Variants in EFCAB5 observed in about 807,000 individuals in gnomAD.
EFCAB5 encodes EF-hand calcium binding domain 5.
Under a neutral mutation model 167.9 loss-of-function variants are expected in EFCAB5, and 131 were observed. The observed-to-expected ratio is 0.78, with a 90% CI of 0.68 to 0.90. The LOEUF is 0.90. Among genes scored for constraint, EFCAB5 ranks in the 40% least tolerant of loss-of-function variants. EFCAB5 has a pLI of 0.00. For synonymous variants in EFCAB5, 574 were observed against 602.8 expected (o/e 0.95, Z 0.70); for missense variants, 1,663 against 1,745.2 (o/e 0.95, Z 0.84).
chr17:30,066,666 A>T (rs2070579972), intron 14 of EFCAB5, among the ~76,000 whole-genome samples: 1 of 152,200 alleles, frequency 6.6e-6, no homozygotes, highest in Non-Finnish European at 1.5e-5. Context: ...GAAATAATAA[A>T]GATCAAAGCA....
intron 14 of EFCAB5, among the ~76,000 whole-genome samples, chr17:30,070,229 TA>T (rs200752550): frequency 2.5e-3 from 372 of 150,288 alleles, no homozygotes; most frequent in African/African-American, 6.4e-3. Context: ...TACAGCCCCT[TA>T]AAAAAAAAGA....
intron 3 of EFCAB5, among the ~76,000 whole-genome samples, chr17:29,959,719 C>G (rs1260231956): frequency 6.6e-6 from 1 of 152,122 alleles, no homozygotes; most frequent in African/African-American, 2.4e-5. Flanking sequence ...AAGACAAAGC[C>G]CTCTTTACTG....
intron 14 of EFCAB5, among the ~76,000 whole-genome samples, chr17:30,063,558 C>G (rs556247150): frequency 6.6e-6 from 1 of 152,162 alleles, no homozygotes; most frequent in Non-Finnish European, 1.5e-5. Flanking sequence ...GTCACAGATC[C>G]TGTCTCTATG....
chr17:29,951,549 G>T (rs1352889821), intron 3 of EFCAB5, among the ~76,000 whole-genome samples: 1 of 151,304 alleles, frequency 6.6e-6, no homozygotes, highest in African/African-American at 2.4e-5. Context: ...TAGAGACGGG[G>T]TTTCACCATG....
Position 30,001,777 on chromosome 17 carries a change from G to A in EFCAB5, c.1044+1801G>A, listed in dbSNP as rs546325938. Among the ~76,000 whole-genome samples, 2 of 152,234 alleles carry A rather than the reference G, an allele frequency of 1.3e-5. 1 individual carries two copies. Among genetic ancestry groups the A allele is most frequent in the South Asian group, 4.1e-4 (2 of 4,826 alleles). ...CACAGTTAACACTATATTTTTTTGT[G>A]TAATAATAATAGCTAACACTTTTGA... On this transcript the variant is annotated intron_variant, in intron 7 of 22. Transcript: ENST00000394835.
intron 1 of EFCAB5, among the ~76,000 whole-genome samples, chr17:29,934,971 A>G (rs979549479): frequency 5.3e-5 from 8 of 152,208 alleles, no homozygotes; most frequent in African/African-American, 1.9e-4. Flanking sequence ...ATTTCACTTA[A>G]AAGATTATGA....
intron 4 of EFCAB5, among the ~76,000 whole-genome samples, chr17:29,977,763 G>T (rs2068090269): frequency 6.6e-6 from 1 of 152,164 alleles, no homozygotes. Flanking sequence ...GACCAAGTTA[G>T]TATAAATATT....
intron 22 of EFCAB5, among the ~76,000 whole-genome samples, chr17:30,105,618 T>C (rs1051863629): frequency 6.6e-6 from 1 of 152,210 alleles, no homozygotes; most frequent in South Asian, 2.1e-4. Context: ...ATGAATCAGG[T>C]ATTTTGAATG....
At chr17:29,944,211 G>T (rs1227105895) in intron 3 of EFCAB5, among the ~76,000 whole-genome samples, 1 of 151,986 alleles carries the variant, frequency 6.6e-6, no homozygotes, top group Non-Finnish European at 1.5e-5. Context: ...GAGTTGCTGG[G>T]ACTATGGGCA....
At chr17:30,073,489 T>C (rs147151347) in intron 14 of EFCAB5, among the ~76,000 whole-genome samples, 2,159 of 152,320 alleles carry the variant, frequency 0.014, 65 homozygotes, top group African/African-American at 0.049. Context: ...TTCATCTCTC[T>C]GTCCCTCTCT....
chr17:30,100,511 T>C (rs1372175038), intron 22 of EFCAB5, among the ~76,000 whole-genome samples: 3 of 152,178 alleles, frequency 2.0e-5, no homozygotes, highest in Non-Finnish European at 4.4e-5. Context: ...CTCACGCCTG[T>C]AATCCCAGCA....
At chr17:30,102,142 A>AG (rs2071390499) in intron 22 of EFCAB5, among the ~76,000 whole-genome samples, 1 of 149,274 alleles carries the variant, frequency 6.7e-6, no homozygotes. Context: ...CTACGGAAGG[A>AG]GAATATGGGT....
chr17:30,029,289 A>G (rs1283553911), intron 7 of EFCAB5, among the ~76,000 whole-genome samples: 1 of 152,232 alleles, frequency 6.6e-6, no homozygotes, highest in African/African-American at 2.4e-5. Context: ...CCTACTGAAC[A>G]TCACAGTTTA....
intron 22 of EFCAB5, among the ~76,000 whole-genome samples, chr17:30,096,677 A>ATAT (rs1193558323): frequency 1.5e-3 from 93 of 60,130 alleles, no homozygotes; most frequent in Middle Eastern, 0.013. Context: ...ATATATATAT[A>ATAT]TTTTTTTTTT....
intron 14 of EFCAB5, chr17:30,069,717 T>C: frequency 9.7e-7 from 1 of 1,029,114 alleles, no homozygotes; most frequent in Non-Finnish European, 1.5e-6. Context: ...TAGTCTCATG[T>C]ACCCCCGGTG....
At chr17:29,974,866 G>A (rs2068033097) in intron 4 of EFCAB5, among the ~76,000 whole-genome samples, 1 of 151,854 alleles carries the variant, frequency 6.6e-6, no homozygotes, top group African/African-American at 2.4e-5. Context: ...ATCTTCACAT[G>A]GCACAAAATA....
chr17:29,969,378 T>G lies in EFCAB5; in HGVS notation c.767+11T>G, dbSNP rs1297587705. On this transcript the variant is annotated intron_variant, in intron 4 of 22. Transcript: ENST00000394835. ...CACTATCTGCAACAGGTACAATCTG[T>G]TATAGTTTCAGTTCATGATCTGTCT... 3.9e-6 allele frequency: 6 copies of G among 1,548,184 alleles called. No homozygotes were observed.
Position 30,056,099 on chromosome 17 carries a change from G to T in EFCAB5, c.2308G>T (p.Val770Phe). ...FFTCNWKMKY[V>F]TFEDEEQANL... ...TACTTGTAACTGGAAAATGAAGTAT[G>T]TCACATTTGAAGATGAGGAACAGGC... Residue 770 changes from valine (V) to phenylalanine (F), a missense_variant, in exon 12 of 23, where the codon GTC becomes TTC. Physicochemically the swap from Val to Phe is conservative, Grantham distance 50. Coordinates refer to ENST00000394835, the MANE Select transcript of EFCAB5 (RefSeq NM_198529.4). 6.2e-7 allele frequency: 1 copy of T among 1,612,514 alleles called. No homozygotes were observed. Among genetic ancestry groups the T allele is most frequent in the East Asian group, 2.2e-5 (1 of 44,810 alleles).
rs1597782490 is a variant in EFCAB5 at position 30,081,051 on chromosome 17, A to T, written c.3426+70A>T. The T allele has an allele frequency of 4.7e-6, 6 of 1,290,314 alleles. No homozygotes were observed. The East Asian group carries it at 1.4e-4, about 30-fold the overall frequency. The allele number at this position is 1,290,314 out of a possible 1,614,324, so 79.9% of individuals were successfully genotyped here. A position where few individuals can be genotyped will look rare whatever the true frequency, so the allele number is the denominator to read the frequency against. The stretch of plus-strand genomic sequence containing the variant: ...TTTCTAATACTTTTTAAAGAGTGAA[A>T]CCTGAAATCCGATGAGAGTAAAGCT... On this transcript the variant is annotated intron_variant, in intron 17 of 22. Coordinates refer to ENST00000394835, the MANE Select transcript of EFCAB5 (RefSeq NM_198529.4).
Sources: allele counts gnomAD v4.1 joint callset (sites outside exome capture counted in the v4.1 genomes callset), GRCh38; gene constraint gnomAD v4.1.1; transcripts MANE v1.5; gene names NCBI Gene and HGNC (gene_info 2026-07-23, HGNC 2026-07-21).